ZNF397: variants seen among roughly 807,000 people sequenced by gnomAD.
The protein encoded by ZNF397 is zinc finger and SCAN domain-containing protein 15.
A neutral mutation model predicts 50.6 loss-of-function variants in ZNF397; 38 were observed. That is an observed-to-expected ratio of 0.75 (90% CI 0.58 to 0.98). The LOEUF is 0.98. ZNF397 is among the 50% of genes least tolerant of loss of function. The pLI, the probability that ZNF397 is intolerant of heterozygous loss-of-function variation, is 0.00. For missense variants in ZNF397, 624 were observed against 624.1 expected (o/e 1.00, Z 0.00); for synonymous variants, 228 against 215.2 (o/e 1.06, Z -0.52).
chr18:35,244,112 G>C (rs1425398861), intron 3 of ZNF397: 1 of 154,450 alleles, frequency 6.5e-6, no homozygotes, highest in Admixed American at 6.5e-5. Flanking sequence ...TGGCCACAGT[G>C]TATTCAATCA....
At chr18:35,253,212 G>T, downstream of ZNF397, 1 of 394,890 alleles carries the variant, frequency 2.5e-6, no homozygotes, top group Non-Finnish European at 4.6e-6. Flanking sequence ...CCAGAAATGG[G>T]TTAGGCATTT....
chr18:35,247,845 T>G lies in ZNF397; in HGVS notation c.*1535T>G, dbSNP rs1372321840. The G allele has an allele frequency of 6.6e-6, 1 of 152,078 alleles. No individual in the cohort carries two copies. Among genetic ancestry groups the G allele is most frequent in the African/African-American group, 2.4e-5 (1 of 41,372 alleles). 9.4% of individuals were successfully genotyped at this position (152,078 alleles called of 1,614,324 possible). A position where few individuals can be genotyped will look rare whatever the true frequency, so the allele number is the denominator to read the frequency against. ...ACCACCACAGCTGGCTAATTTTGTATTTTTAGGAAAGACAGGGTTTCTCCA... is the reference window on the plus strand; with the variant it reads ...ACCACCACAGCTGGCTAATTTTGTAGTTTTAGGAAAGACAGGGTTTCTCCA... On this transcript the variant is annotated 3_prime_UTR_variant, in exon 4 of 4. Coordinates refer to ENST00000330501, the MANE Select transcript of ZNF397 (RefSeq NM_001135178.3).
chr18:35,253,322 T>G, downstream of ZNF397: 1 of 667,372 alleles, frequency 1.5e-6, no homozygotes. Context: ...TGTGCATGTC[T>G]TCTTATAGTA....
At chr18:35,254,988 A>G (rs1051758474) in intron 5 of ZNF397, 1 of 154,110 alleles carries the variant, frequency 6.5e-6, no homozygotes, top group African/African-American at 2.4e-5. Context: ...CAGGTTCCTG[A>G]CTCATTCTCA....
chr18:35,253,686 C>A (rs762793902), downstream of ZNF397: 2 of 1,614,004 alleles, frequency 1.2e-6, no homozygotes, highest in African/African-American at 2.7e-5. Context: ...TTACCACATG[C>A]AATACATTCA....
intron 3 of ZNF397, 84 bp from the exon 4 acceptor site, chr18:35,245,178 A>G: frequency 1.4e-6 from 2 of 1,449,398 alleles, no homozygotes; most frequent in Non-Finnish European, 9.1e-7. Context: ...TTGTAGGTAG[A>G]AGCTTCTGTT....
At chr18:35,256,501 C>T (rs553317045) in intron 5 of ZNF397, among the ~76,000 whole-genome samples, 72 of 151,598 alleles carry the variant, frequency 4.7e-4, no homozygotes, top group African/African-American at 1.6e-3. Context: ...GTGGAGGTTG[C>T]AGTGAACCAA....
chr18:35,254,508 T>A (rs942106419), downstream of ZNF397: 3 of 1,534,356 alleles, frequency 2.0e-6, no homozygotes, highest in Non-Finnish European at 2.6e-6. Context: ...AAAACTAGAT[T>A]CCCAATCTAG....
downstream of ZNF397, chr18:35,253,497 G>A (rs749558812): frequency 6.2e-7 from 1 of 1,609,028 alleles, no homozygotes; most frequent in South Asian, 1.1e-5. Flanking sequence ...CCTGACCTAT[G>A]CCTAAATGTT....
At chr18:35,249,913 CTT>C (rs1396151925), downstream of ZNF397, 14 of 152,022 alleles carry the variant, frequency 9.2e-5, no homozygotes, top group Non-Finnish European at 1.5e-4. Flanking sequence ...CTCTAATACT[CTT>C]AAAATTAGGG....
At chr18:35,257,679 T>G (rs1035223996) in intron 5 of ZNF397, among the ~76,000 whole-genome samples, 2 of 152,082 alleles carry the variant, frequency 1.3e-5, no homozygotes, top group African/African-American at 4.8e-5. Context: ...TTAAGACAGC[T>G]CCTAACTATA....
At chr18:35,242,985 C>T (rs1912633125) in intron 2 of ZNF397, 101 bp downstream of exon 2, 2 of 1,492,324 alleles carry the variant, frequency 1.3e-6, no homozygotes, top group South Asian at 1.3e-5. Flanking sequence ...TCTACTGAAC[C>T]CTAACCTGAA....
intron 5 of ZNF397, chr18:35,257,614 G>A (rs551349048): frequency 9.6e-5 from 35 of 366,026 alleles, no homozygotes; most frequent in African/African-American, 6.5e-4. Flanking sequence ...AAGTAAATCC[G>A]TGTTGTTTAC....
Position 35,246,387 on chromosome 18 carries a change from C to T in ZNF397, c.*77C>T. 1 of 1,463,136 alleles carries T rather than the reference C, an allele frequency of 6.8e-7. No homozygotes were observed. The highest frequency in any genetic ancestry group is 9.0e-7 in the Non-Finnish European group (1 of 1,108,958). 90.6% of individuals were successfully genotyped at this position (1,463,136 alleles called of 1,614,324 possible). ...TTAGTCAAAAGAGTTTACTTTGGAG[C>T]AAAACTCCATAAAGGTTATAAAATA... On this transcript the variant is annotated 3_prime_UTR_variant, in exon 4 of 4. Transcript: ENST00000330501.
downstream of ZNF397, chr18:35,252,430 CCTT>C (rs904943480): frequency 2.0e-5 from 3 of 152,240 alleles, no homozygotes; most frequent in African/African-American, 7.2e-5. Context: ...CCACACCCCT[CCTT>C]ACCAGGCTTG....
chr18:35,253,227 G>A, downstream of ZNF397: 3 of 423,530 alleles, frequency 7.1e-6, no homozygotes, highest in East Asian at 1.1e-4. Context: ...GCATTTCAAG[G>A]AAATATCTAC....
intron 5 of ZNF397, chr18:35,257,915 C>T (rs768956119): frequency 2.6e-6 from 2 of 781,074 alleles, no homozygotes; most frequent in Non-Finnish European, 4.8e-6. Context: ...CTGCTTCTCT[C>T]TCTCCATTAC....
downstream of ZNF397, chr18:35,253,882 A>G (rs1024362629): frequency 2.5e-6 from 4 of 1,614,118 alleles, no homozygotes; most frequent in Non-Finnish European, 3.4e-6. Flanking sequence ...TTTCACCACT[A>G]TGAATTCTCT....
At position 35,245,470 on chromosome 18, in the gene ZNF397, G is replaced by A. The variant is rs1203898935; in HGVS notation, c.765G>A (p.Lys255=). 4 of 1,553,138 alleles carry A rather than the reference G, an allele frequency of 2.6e-6. No individual in the cohort carries two copies. Among genetic ancestry groups the A allele is most frequent in the East Asian group, 2.4e-5 (1 of 40,960 alleles). The change falls in exon 4 of 4, where the codon AAG becomes AAA. Residue 255 remains lysine (K), a synonymous_variant. Transcript: ENST00000330501. ...TCTTCACAAACAAATCTCTAGGAAA[G>A]AGAGACCTTTATGATGAGGCTGAAA... ...QVIFTNKSLG[K]RDLYDEAERC...
Sources: gnomAD v4.1 joint callset for allele counts (sites outside exome capture counted in the v4.1 genomes callset) on GRCh38, gnomAD v4.1.1 for gene constraint, MANE v1.5 for transcripts, NCBI Gene and HGNC (gene_info 2026-07-23, HGNC 2026-07-21) for gene names.